CNTN6: variants seen among roughly 807,000 people sequenced by gnomAD.
CNTN6 encodes contactin 6, also known as contactin-6.
Under a neutral mutation model 122.8 loss-of-function variants are expected in CNTN6, and 137 were observed. That is an observed-to-expected ratio of 1.12 (90% confidence interval 0.97 to 1.29). The LOEUF is 1.29. Ranked by LOEUF, CNTN6 falls within the 50% of genes most tolerant of loss-of-function variation. The pLI is 0.00. For synonymous variants in CNTN6, 570 were observed against 426.0 expected (o/e 1.34, Z -4.16); for missense variants, 1,634 against 1,223.4 (o/e 1.34, Z -5.01).
At chr3:1,095,172 A>G (rs1209566039) in intron 1 of CNTN6, among the ~76,000 whole-genome samples, 1 of 101,566 alleles carries the variant, frequency 9.8e-6, no homozygotes, top group Non-Finnish European at 1.7e-5. Context: ...TCCTACACTT[A>G]AAAAAAAACA....
intron 7 of CNTN6, among the ~76,000 whole-genome samples, chr3:1,307,146 G>T (rs113464374): frequency 0.016 from 2,367 of 152,224 alleles, 66 homozygotes; most frequent in African/African-American, 0.053. Flanking sequence ...GTAACAATGT[G>T]CAATCACACA....
intron 2 of CNTN6, among the ~76,000 whole-genome samples, chr3:1,166,038 A>G (rs566464620): frequency 1.3e-5 from 2 of 152,330 alleles, no homozygotes; most frequent in South Asian, 2.1e-4. Flanking sequence ...AAGATGCATG[A>G]GGAAAGAGAA....
chr3:1,334,043 G>C (rs975169880), intron 11 of CNTN6, among the ~76,000 whole-genome samples: 6 of 152,144 alleles, frequency 3.9e-5, no homozygotes, highest in African/African-American at 1.4e-4. Flanking sequence ...AGTCTTGGCT[G>C]TTTTAAGAGT....
chr3:1,188,340 G>A (rs1171423247), intron 2 of CNTN6, among the ~76,000 whole-genome samples: 1 of 152,116 alleles, frequency 6.6e-6, no homozygotes, highest in Non-Finnish European at 1.5e-5. Context: ...CCCCCAAAAG[G>A]AGATTTTTAT....
intron 2 of CNTN6, among the ~76,000 whole-genome samples, chr3:1,196,834 T>G (rs545908328): frequency 5.8e-4 from 89 of 152,318 alleles, no homozygotes; most frequent in African/African-American, 2.0e-3. Flanking sequence ...CTTGGAGATT[T>G]AGAGGTAAAC....
At chr3:1,367,268 AACTT>A (rs1229776213) in intron 12 of CNTN6, among the ~76,000 whole-genome samples, 3 of 151,946 alleles carry the variant, frequency 2.0e-5, no homozygotes, top group Admixed American at 2.0e-4. Flanking sequence ...TCCCATCTGA[AACTT>A]AGTACGCTGT....
At chr3:1,250,579 G>A (rs2094648957) in intron 4 of CNTN6, among the ~76,000 whole-genome samples, 1 of 152,082 alleles carries the variant, frequency 6.6e-6, no homozygotes, top group Admixed American at 6.5e-5. Flanking sequence ...GTGTACATAA[G>A]GCAGCAAGCC....
intron 2 of CNTN6, among the ~76,000 whole-genome samples, chr3:1,179,620 C>T (rs954809927): frequency 2.0e-5 from 3 of 152,122 alleles, no homozygotes; most frequent in Non-Finnish European, 2.9e-5. Context: ...AAGACACTTC[C>T]TCCTGCAGTT....
chr3:1,388,337 C>G (rs1041784971), intron 20 of CNTN6, among the ~76,000 whole-genome samples: 6 of 145,924 alleles, frequency 4.1e-5, no homozygotes, highest in Non-Finnish European at 7.6e-5. Context: ...GCCAACAGAC[C>G]TGAAGCTGAG....
intron 3 of CNTN6, among the ~76,000 whole-genome samples, chr3:1,222,470 A>C (rs1030966520): frequency 2.0e-4 from 30 of 152,150 alleles, no homozygotes; most frequent in Non-Finnish European, 7.4e-5. Context: ...ACATAAATAC[A>C]TAAATTACAT....
chr3:1,380,809 G>A (rs950444733), intron 17 of CNTN6, among the ~76,000 whole-genome samples: 1 of 152,110 alleles, frequency 6.6e-6, no homozygotes, highest in African/African-American at 2.4e-5. Flanking sequence ...TTCTTAGTCT[G>A]TACTAAAGAT....
intron 2 of CNTN6, among the ~76,000 whole-genome samples, chr3:1,201,943 T>C (rs1403700345): frequency 7.2e-5 from 11 of 152,216 alleles, no homozygotes; most frequent in Non-Finnish European, 4.4e-5. Flanking sequence ...TTAACAGAAT[T>C]ATTTTGTAAT....
chr3:1,232,851 C>T (rs1371249779), intron 4 of CNTN6, among the ~76,000 whole-genome samples: 1 of 152,132 alleles, frequency 6.6e-6, no homozygotes, highest in African/African-American at 2.4e-5. Flanking sequence ...TTGCATTGAA[C>T]CTTGACATGT....
chr3:1,323,128 A>C (rs1191374499), intron 8 of CNTN6, among the ~76,000 whole-genome samples: 2 of 151,788 alleles, frequency 1.3e-5, no homozygotes, highest in East Asian at 1.9e-4. Context: ...TGATAAAGCA[A>C]ATGTTAGCTT....
At chr3:1,100,382 A>G (rs1490892966) in intron 1 of CNTN6, among the ~76,000 whole-genome samples, 1 of 152,152 alleles carries the variant, frequency 6.6e-6, no homozygotes. Flanking sequence ...TTTATGATGT[A>G]ATTATCACAC....
intron 2 of CNTN6, among the ~76,000 whole-genome samples, chr3:1,148,960 C>A (rs1195903363): frequency 6.6e-6 from 1 of 152,126 alleles, no homozygotes; most frequent in Non-Finnish European, 1.5e-5. Flanking sequence ...CAGAAGAATG[C>A]AGCATTTCTT....
At chr3:1,257,024 A>G (rs935309639) in intron 4 of CNTN6, among the ~76,000 whole-genome samples, 1 of 152,196 alleles carries the variant, frequency 6.6e-6, no homozygotes, top group African/African-American at 2.4e-5. Context: ...ATGCTATTAC[A>G]TCAATCCCTC....
intron 7 of CNTN6, among the ~76,000 whole-genome samples, chr3:1,315,933 G>A (rs1358506590): frequency 1.4e-4 from 22 of 151,732 alleles, no homozygotes; most frequent in Non-Finnish European, 2.5e-4. Context: ...TAAATGATTC[G>A]TAAATCAGTT....
At chr3:1,385,515 C>T (rs1320321836) in intron 19 of CNTN6, 96 bp from the exon 20 acceptor site, 4 of 930,506 alleles carry the variant, frequency 4.3e-6, no homozygotes, top group South Asian at 3.7e-5. Context: ...GTCTTCTTCC[C>T]ATATTCCTTG....
Sources: allele counts gnomAD v4.1 joint callset (sites outside exome capture counted in the v4.1 genomes callset), GRCh38; gene constraint gnomAD v4.1.1; transcripts MANE v1.5; gene names NCBI Gene and HGNC (gene_info 2026-07-23, HGNC 2026-07-21).